ARHGAP17: variants seen among roughly 807,000 people sequenced by gnomAD.
ARHGAP17 encodes rho GTPase-activating protein 17.
A neutral mutation model predicts 99.5 loss-of-function variants in ARHGAP17; 57 were observed. That is an observed-to-expected ratio of 0.57 (90% confidence interval 0.46 to 0.71). ARHGAP17 has a LOEUF of 0.71. Ranked by LOEUF, ARHGAP17 falls within the 30% of genes least tolerant of loss-of-function variation. ARHGAP17 has a pLI of 0.00. For synonymous variants in ARHGAP17, 417 were observed against 429.6 expected (o/e 0.97, Z 0.36); for missense variants, 1,000 against 1,122.4 (o/e 0.89, Z 1.56).
chr16:24,939,325 C>A, intron 17 of ARHGAP17, 39 bp downstream of exon 17: 2 of 1,523,702 alleles, frequency 1.3e-6, no homozygotes, highest in Non-Finnish European at 1.8e-6. Flanking sequence ...AAGGCTGGGG[C>A]GTCCAGCCTC....
In ARHGAP17 at chr16:24,931,277, G is replaced by A. The variant is rs751197240; in HGVS notation, c.2022C>T (p.Ser674=). Residue 674 remains serine (S), a synonymous_variant, in exon 19 of 20, where the codon AGC becomes AGT. Coordinates refer to ENST00000289968, the MANE Select transcript of ARHGAP17 (RefSeq NM_001006634.3). ...PSLSPKPPTR[S]PSPPTQHTGQ... The stretch of plus-strand genomic sequence containing the variant: ...CCGTGTGCTGGGTGGGAGGAGAGGG[G>A]CTTCGGGTGGGTGGCTTTGGTGACA... 1.3e-6 allele frequency: 2 copies of A among 1,531,340 alleles called. No individual in the cohort carries two copies. The highest frequency in any genetic ancestry group is 1.8e-6 in the Non-Finnish European group (2 of 1,139,458). 94.9% of individuals were successfully genotyped at this position (1,531,340 alleles called of 1,614,324 possible).
intron 14 of ARHGAP17, among the ~76,000 whole-genome samples, chr16:24,945,361 GA>G (rs2051440526): frequency 6.7e-6 from 1 of 149,012 alleles, no homozygotes; most frequent in East Asian, 1.9e-4. Flanking sequence ...AGAAGAAGAA[GA>G]AAAAAGTAAG....
At chr16:24,950,083 C>CA (rs2051589812) in intron 12 of ARHGAP17, among the ~76,000 whole-genome samples, 1 of 152,136 alleles carries the variant, frequency 6.6e-6, no homozygotes, top group Non-Finnish European at 1.5e-5. Context: ...CACTAGGGAC[C>CA]AAGAGTGTTA....
chr16:25,015,037 G>C (rs2053747079), intron 1 of ARHGAP17, among the ~76,000 whole-genome samples, 172 bp downstream of exon 1: 1 of 151,280 alleles, frequency 6.6e-6, no homozygotes, highest in African/African-American at 2.4e-5. Flanking sequence ...CCTGGAGCGC[G>C]GCGCTCGGGC....
chr16:25,008,983 C>A (rs571093684), intron 1 of ARHGAP17, among the ~76,000 whole-genome samples: 16 of 152,338 alleles, frequency 1.1e-4, no homozygotes, highest in African/African-American at 2.9e-4. Context: ...CCACCCTGCT[C>A]TATGGAGAGG....
Position 24,955,087 on chromosome 16 carries a change from C to T in ARHGAP17, c.725-357G>A. 5.3e-6 allele frequency: 1 copy of T among 188,698 alleles called. No individual in the cohort carries two copies. The highest frequency in any genetic ancestry group is 1.4e-4 in the East Asian group (1 of 7,122). The allele number at this position is 188,698 out of a possible 1,614,324, so 11.7% of individuals were successfully genotyped here. A position where few individuals can be genotyped will look rare whatever the true frequency, so the allele number is the denominator to read the frequency against. ...GAAGATTTGCCAGAGCATACCGTTTCGTTGAAAAGAAATTTATTCTAGCCA... is the reference window on the plus strand; with the variant it reads ...GAAGATTTGCCAGAGCATACCGTTTTGTTGAAAAGAAATTTATTCTAGCCA... On this transcript the variant is annotated intron_variant, in intron 9 of 19. Coordinates refer to ENST00000289968, the MANE Select transcript of ARHGAP17 (RefSeq NM_001006634.3). This position sits in a 1 kb window ranked among gnomAD's most constrained non-coding sequence, Gnocchi z 4.0.
chr16:24,939,236 GTGAAAGTAAATCTGTTCACTCCA>G, intron 17 of ARHGAP17, 105 bp downstream of exon 17: 1 of 813,508 alleles, frequency 1.2e-6, no homozygotes, highest in Non-Finnish European at 1.8e-6. Flanking sequence ...AACCAGAGGA[GTGAAAGTAAATCTGTTCACTCCA>G]TGCTGGAGCA....
chr16:25,012,701 A>G (rs1380367929), intron 1 of ARHGAP17, among the ~76,000 whole-genome samples: 3 of 152,258 alleles, frequency 2.0e-5, no homozygotes. Flanking sequence ...GGAAATCAAC[A>G]GCAAGGAAGC....
chr16:24,942,660 C>A (rs760565612), intron 15 of ARHGAP17, among the ~76,000 whole-genome samples: 11 of 151,182 alleles, frequency 7.3e-5, no homozygotes, highest in Non-Finnish European at 1.3e-4. Flanking sequence ...CCCAGCTACT[C>A]AGGAGGCTGA....
chr16:24,924,716 A>T (rs60091779), intron 19 of ARHGAP17, among the ~76,000 whole-genome samples: 21,925 of 151,880 alleles, frequency 0.14, 5,135 homozygotes, highest in African/African-American at 0.49. Context: ...TACAAAAATT[A>T]GCCGAGCACG....
chr16:24,983,108 G>A (rs1384700082), intron 1 of ARHGAP17, among the ~76,000 whole-genome samples: 4 of 147,098 alleles, frequency 2.7e-5, no homozygotes, highest in Non-Finnish European at 4.5e-5. Context: ...GGGCTCTAGT[G>A]ATACTCCCAC....
intron 1 of ARHGAP17, among the ~76,000 whole-genome samples, chr16:24,991,554 C>T (rs1003418894): frequency 5.3e-5 from 8 of 152,168 alleles, no homozygotes; most frequent in Non-Finnish European, 8.8e-5. Flanking sequence ...GTTGTGACAA[C>T]ACCGTGTGGG....
At chr16:24,929,250 C>G (rs1020959578) in intron 19 of ARHGAP17, among the ~76,000 whole-genome samples, 9 of 151,492 alleles carry the variant, frequency 5.9e-5, no homozygotes, top group Non-Finnish European at 1.3e-4. Context: ...ACTGCAGTCT[C>G]GAACTCCTGA....
At chr16:24,932,229 A>G (rs1475314436) in intron 18 of ARHGAP17, among the ~76,000 whole-genome samples, 2 of 152,192 alleles carry the variant, frequency 1.3e-5, no homozygotes, top group Admixed American at 1.3e-4. Flanking sequence ...TAAGGGGCAT[A>G]TGGGAACTCT....
intron 1 of ARHGAP17, among the ~76,000 whole-genome samples, chr16:25,010,009 A>G (rs1285675585): frequency 6.6e-6 from 1 of 152,064 alleles, no homozygotes; most frequent in Non-Finnish European, 1.5e-5. Context: ...GAGGCCCTGG[A>G]CCCAAGCCAT....
intron 1 of ARHGAP17, among the ~76,000 whole-genome samples, chr16:25,007,951 C>T (rs940879410): frequency 6.6e-6 from 1 of 152,170 alleles, no homozygotes; most frequent in African/African-American, 2.4e-5. Context: ...TTCACCAGTT[C>T]ACTGCAGTCC....
At position 24,984,887 on chromosome 16, in the gene ARHGAP17, T is replaced by G. The variant is rs73555463; in HGVS notation, c.54-5882A>C. ...ATAAAATGGGAAAAAAAACCACAGTTGAAAATAAAAAAAAAATGTCTGTAG... is the reference window on the plus strand; with the variant it reads ...ATAAAATGGGAAAAAAAACCACAGTGGAAAATAAAAAAAAAATGTCTGTAG... On this transcript the variant is annotated intron_variant, in intron 1 of 19. Coordinates refer to ENST00000289968, the MANE Select transcript of ARHGAP17 (RefSeq NM_001006634.3). 2.5e-3 allele frequency among the ~76,000 whole-genome samples: 386 copies of G among 151,944 alleles called. 2 individuals carry two copies. Among genetic ancestry groups the G allele is most frequent in the African/African-American group, 9.0e-3 (373 of 41,434 alleles).
chr16:24,927,654 G>T, intron 19 of ARHGAP17: 4 of 1,146,256 alleles, frequency 3.5e-6, no homozygotes, highest in Non-Finnish European at 4.4e-6. Context: ...TAGCAAAAAT[G>T]CATTGGCCAA....
Position 24,970,508 on chromosome 16 carries a change from C to A in ARHGAP17, c.271G>T (p.Gly91Trp), listed in dbSNP as rs2052330156. The A allele has an allele frequency of 3.1e-6, 5 of 1,613,958 alleles. No individual in the cohort carries two copies. The highest frequency in any genetic ancestry group is 4.2e-6 in the Non-Finnish European group (5 of 1,179,860). ...ASTQLEDSLL[G>W]KMLETCGDAE... ...CACTCTGAAGGCAGCAACTCTTACC[C>A]CAGGAGAGAGTCTTCCAGCTGAGTC... The change falls in exon 4 of 20, where the codon GGG (glycine) becomes TGG (tryptophan). Residue 91 changes from glycine to tryptophan, a missense_variant and splice_region_variant. By Grantham distance (184) the Gly-to-Trp change is radical. This residue lies in a region of ARHGAP17 where 472 missense variants were observed against 611.1 expected (regional missense o/e 0.77). Coordinates refer to ENST00000289968, the MANE Select transcript of ARHGAP17 (RefSeq NM_001006634.3).
Sources: allele counts gnomAD v4.1 joint callset (sites outside exome capture counted in the v4.1 genomes callset), GRCh38; gene constraint gnomAD v4.1.1; regional missense constraint gnomAD v4.1.1; non-coding constraint Gnocchi (gnomAD v3.1); transcripts MANE v1.5; gene names NCBI Gene and HGNC (gene_info 2026-07-23, HGNC 2026-07-21).